The following SPAG16 variants were observed in gnomAD, a reference collection of about 807,000 sequenced individuals.
SPAG16 encodes sperm-associated antigen 16 protein.
A neutral mutation model predicts 80.4 loss-of-function variants in SPAG16; 86 were observed. The observed-to-expected ratio is 1.07, with a 90% CI of 0.90 to 1.28. The LOEUF is 1.28. Ranked by LOEUF, SPAG16 falls within the 50% of genes most tolerant of loss-of-function variation. The pLI is 0.00. For missense variants in SPAG16, 870 were observed against 765.3 expected (o/e 1.14, Z -1.61); for synonymous variants, 294 against 265.9 (o/e 1.11, Z -1.03).
At chr2:213,375,773 T>C (rs555596271) in intron 9 of SPAG16, among the ~76,000 whole-genome samples, 3 of 152,016 alleles carry the variant, frequency 2.0e-5, no homozygotes, top group African/African-American at 7.2e-5. Context: ...CTGGCACTTA[T>C]TTTAAAATAA....
At chr2:213,332,027 A>G (rs2064130995) in intron 5 of SPAG16, among the ~76,000 whole-genome samples, 1 of 152,160 alleles carries the variant, frequency 6.6e-6, no homozygotes, top group Non-Finnish European at 1.5e-5. Context: ...TATAAAAAAT[A>G]AATAAAAAGG....
intron 13 of SPAG16, among the ~76,000 whole-genome samples, chr2:214,046,761 A>G (rs1242587162): frequency 1.3e-5 from 2 of 152,178 alleles, no homozygotes; most frequent in Non-Finnish European, 2.9e-5. Context: ...CCTGGTTCAC[A>G]GATGATATGA....
At chr2:213,900,058 C>G (rs1229339126) in intron 11 of SPAG16, among the ~76,000 whole-genome samples, 1 of 152,068 alleles carries the variant, frequency 6.6e-6, no homozygotes, top group Non-Finnish European at 1.5e-5. Context: ...CCTTTGTTGA[C>G]CTAGAATGCA....
intron 11 of SPAG16, among the ~76,000 whole-genome samples, chr2:213,879,151 A>G (rs1322454861): frequency 6.6e-6 from 1 of 151,560 alleles, no homozygotes; most frequent in Non-Finnish European, 1.5e-5. Flanking sequence ...TTGATTCCAT[A>G]TGAATTTTAG....
chr2:213,900,737 T>C (rs1274877958), intron 11 of SPAG16, among the ~76,000 whole-genome samples: 1 of 152,182 alleles, frequency 6.6e-6, no homozygotes, highest in African/African-American at 2.4e-5. Context: ...TGGACATTCA[T>C]CATTTTTCCT....
chr2:214,319,197 A>AC (rs1340549859), intron 15 of SPAG16, among the ~76,000 whole-genome samples: 29 of 22,182 alleles, frequency 1.3e-3, no homozygotes, highest in African/African-American at 3.1e-3. Context: ...GCACACACAC[A>AC]CACCACACAC....
intron 10 of SPAG16, among the ~76,000 whole-genome samples, chr2:213,600,075 G>A (rs1215831123): frequency 1.3e-5 from 2 of 151,894 alleles, no homozygotes; most frequent in African/African-American, 2.4e-5. Context: ...ATTGTTCCAG[G>A]GTCAACTGTA....
chr2:213,443,585 T>C (rs983302967), intron 9 of SPAG16, among the ~76,000 whole-genome samples: 8 of 152,238 alleles, frequency 5.3e-5, no homozygotes, highest in African/African-American at 1.7e-4. Context: ...CATATCTTTG[T>C]TATTGTGAAT....
At chr2:214,389,323 T>A (rs910806342) in intron 15 of SPAG16, among the ~76,000 whole-genome samples, 7 of 152,192 alleles carry the variant, frequency 4.6e-5, no homozygotes, top group African/African-American at 1.7e-4. Flanking sequence ...ATTTGTGCAA[T>A]CTAACGTGTG....
chr2:213,470,437 T>C (rs2073014786), intron 9 of SPAG16, among the ~76,000 whole-genome samples: 1 of 152,156 alleles, frequency 6.6e-6, no homozygotes. Context: ...CACAAACCCA[T>C]ATCCGGAGTA....
intron 10 of SPAG16, among the ~76,000 whole-genome samples, chr2:213,622,052 T>C (rs2061806676): frequency 6.6e-6 from 1 of 152,204 alleles, no homozygotes; most frequent in African/African-American, 2.4e-5. Flanking sequence ...TATTTTCAAA[T>C]ATAAACCATC....
At chr2:213,684,875 C>A (rs1320334694) in intron 10 of SPAG16, among the ~76,000 whole-genome samples, 2 of 152,176 alleles carry the variant, frequency 1.3e-5, no homozygotes, top group Non-Finnish European at 2.9e-5. Flanking sequence ...ATTGGGGGAA[C>A]AACTATGGGT....
In SPAG16 at chr2:213,353,930, G is replaced by A. The variant is rs974878508; in HGVS notation, c.762+3285G>A. On this transcript the variant is annotated intron_variant, in intron 7 of 15. Transcript: ENST00000331683. ...TTATACTTTAAGTTCTAGGGTACAT[G>A]TGCACAACGTACAGGTTTGTTACAT... Among the ~76,000 whole-genome samples the A allele has an allele frequency of 2.0e-5, 3 of 152,112 alleles. No homozygotes were observed. In the East Asian group the frequency reaches 5.8e-4, roughly 29 times the overall value.
At chr2:213,853,271 G>A (rs1398141806) in intron 10 of SPAG16, among the ~76,000 whole-genome samples, 1 of 152,038 alleles carries the variant, frequency 6.6e-6, no homozygotes, top group African/African-American at 2.4e-5. Flanking sequence ...TCTAACAGTG[G>A]ATTCTTATGT....
At chr2:213,583,470 A>C (rs1362632928) in intron 10 of SPAG16, among the ~76,000 whole-genome samples, 1 of 152,208 alleles carries the variant, frequency 6.6e-6, no homozygotes, top group East Asian at 1.9e-4. Flanking sequence ...CTTCTTTAGA[A>C]ATGACAGAAG....
At chr2:213,552,918 T>A (rs189057276) in intron 10 of SPAG16, among the ~76,000 whole-genome samples, 2 of 152,122 alleles carry the variant, frequency 1.3e-5, no homozygotes, top group Non-Finnish European at 2.9e-5. Flanking sequence ...TTCTTTGGCT[T>A]TTGGACTCTT....
At chr2:214,384,906 C>T (rs1700661715) in intron 15 of SPAG16, among the ~76,000 whole-genome samples, 1 of 152,204 alleles carries the variant, frequency 6.6e-6, no homozygotes, top group Admixed American at 6.5e-5. Context: ...TTCCTAAAGT[C>T]CTCATACTTG....
At chr2:214,106,600 C>G (rs750685111) in intron 13 of SPAG16, among the ~76,000 whole-genome samples, 1 of 152,066 alleles carries the variant, frequency 6.6e-6, no homozygotes, top group Non-Finnish European at 1.5e-5. Context: ...AGTTATAAAG[C>G]CTTTCCAACT....
At chr2:213,538,395 T>A (rs2076319403) in intron 10 of SPAG16, among the ~76,000 whole-genome samples, 1 of 152,190 alleles carries the variant, frequency 6.6e-6, no homozygotes, top group South Asian at 2.1e-4. Context: ...GGATTTACTT[T>A]GATTAAAATC....
Sources: gnomAD v4.1 joint callset for allele counts (sites outside exome capture counted in the v4.1 genomes callset) on GRCh38, gnomAD v4.1.1 for gene constraint, MANE v1.5 for transcripts, NCBI Gene and HGNC (gene_info 2026-07-23, HGNC 2026-07-21) for gene names.